Variants in CATSPERG observed in about 807,000 individuals in gnomAD.
CATSPERG encodes catsper channel auxiliary subunit gamma.
In CATSPERG, 115 loss-of-function variants were observed where a neutral mutation model predicts 145.0. The observed-to-expected ratio is 0.79, with a 90% confidence interval of 0.68 to 0.93. The LOEUF (loss-of-function observed/expected upper bound fraction) is 0.93, where lower values mean the gene tolerates loss of function less well. Ranked by LOEUF, CATSPERG falls within the 40% of genes least tolerant of loss-of-function variation. The pLI is 0.00. For missense variants in CATSPERG, 1,296 were observed against 1,490.1 expected (o/e 0.87, Z 2.14); for synonymous variants, 588 against 589.0 (o/e 1.00, Z 0.02).
intron 20 of CATSPERG, among the ~76,000 whole-genome samples, chr19:38,364,598 C>T (rs922638433): frequency 6.6e-5 from 10 of 152,240 alleles, no homozygotes; most frequent in African/African-American, 1.4e-4. Flanking sequence ...TGTAGCAAGC[C>T]GAGATCACGC....
At chr19:38,349,787 C>T (rs1327462786) in intron 7 of CATSPERG, among the ~76,000 whole-genome samples, 1 of 152,064 alleles carries the variant, frequency 6.6e-6, no homozygotes, top group East Asian at 1.9e-4. Flanking sequence ...GCCTCAGCCT[C>T]CCGAGGAGCT....
At position 38,360,655 on chromosome 19, in the gene CATSPERG, G is replaced by C. The variant is rs201129427; in HGVS notation, c.1767+8G>C. ...GACAGCAAACTGTACCAGGTGCCCG[G>C]TGGAGCTATGCGGGGACATCGGGGC... On this transcript the variant is annotated splice_region_variant and intron_variant, in intron 15 of 28. Transcript: ENST00000409235. The C allele has an allele frequency of 5.6e-6, 9 of 1,614,216 alleles. No homozygotes were observed. The East Asian group carries it at 1.8e-4, about 32-fold the overall frequency.
At chr19:38,351,929 G>A (rs1041675088) in intron 7 of CATSPERG, among the ~76,000 whole-genome samples, 3 of 152,084 alleles carry the variant, frequency 2.0e-5, no homozygotes, top group Non-Finnish European at 2.9e-5. Context: ...CCCTTGGGGC[G>A]AGCATGGGGT....
chr19:38,343,838 A>T, intron 4 of CATSPERG, 114 bp downstream of exon 4: 2 of 1,413,356 alleles, frequency 1.4e-6, no homozygotes, highest in Non-Finnish European at 1.9e-6. Flanking sequence ...AGCTCAGCAC[A>T]TTCCATGGCC....
rs1488417351 is a variant in CATSPERG, at chr19:38,344,366, G to A, written c.667G>A (p.Glu223Lys). 1 of 1,551,530 alleles carries A rather than the reference G, an allele frequency of 6.4e-7. No homozygotes were observed. The highest frequency in any genetic ancestry group is 2.0e-5 in the Admixed American group (1 of 50,994). ...DNNIQFTVGE[E>K]LFNLMPQYFV... is the part of the protein sequence containing the mutation. The stretch of plus-strand genomic sequence containing the variant: ...TAACATCCAATTCACTGTGGGAGAG[G>A]AGGTGAGGGAATATGGCAGGGGAAA... The change falls in exon 6 of 29, where the codon GAG becomes AAG. Residue 223 changes from glutamate to lysine, a missense_variant and splice_region_variant. Coordinates refer to ENST00000409235, the MANE Select transcript of CATSPERG (RefSeq NM_021185.5).
chr19:38,358,672 G>T (rs1970290541), intron 13 of CATSPERG, 111 bp downstream of exon 13: 1 of 1,342,134 alleles, frequency 7.5e-7, no homozygotes. Context: ...GCCTTCAAAG[G>T]ATGCACAAAT....
At position 38,370,117 on chromosome 19, in the gene CATSPERG, T is replaced by C. The variant is rs1970520354; in HGVS notation, c.3114-42T>C. The C allele has an allele frequency of 1.9e-6, 3 of 1,613,334 alleles. No individual in the cohort carries two copies. In the East Asian group the frequency reaches 6.7e-5, roughly 36 times the overall value. On this transcript the variant is annotated intron_variant, in intron 27 of 28. Transcript: ENST00000409235. ...GGTCAGGGGCTGCCCATGGAATGCC[T>C]GGCTTCTCCTCTAATCCTGGATCCC... is the stretch of plus-strand genomic sequence containing the variant.
Position 38,370,569 on chromosome 19 carries a change from C to T in CATSPERG, c.3257C>T (p.Ala1086Val). 6.2e-7 allele frequency: 1 copy of T among 1,614,140 alleles called. No homozygotes were observed. The highest frequency in any genetic ancestry group is 8.5e-7 in the Non-Finnish European group (1 of 1,180,020). Reference protein sequence around the residue: ...VFVGLVIFYIAFCLLWPLVVK... With the variant: ...VFVGLVIFYIVFCLLWPLVVK... ...GTGGGCCTGGTGATCTTCTACATCGCCTTCTGCCTCCTGTGGCCCCTCGTG... is the reference window on the plus strand; with the variant it reads ...GTGGGCCTGGTGATCTTCTACATCGTCTTCTGCCTCCTGTGGCCCCTCGTG... The change falls in exon 29 of 29, where the codon GCC (alanine) becomes GTC (valine). Residue 1086 changes from alanine to valine, a missense_variant. Ala to Val is a moderately conservative substitution (Grantham distance 64, BLOSUM62 0). Coordinates refer to ENST00000409235, the MANE Select transcript of CATSPERG (RefSeq NM_021185.5).
At position 38,361,863 on chromosome 19, in the gene CATSPERG, T is replaced by C. The variant is rs1970351431; in HGVS notation, c.2094+2T>C. ...TGGCTGCACTCCGTGTACGACAAGG[T>C]GGGCGTCCGGCGGCGGGCGGGCAGG... On this transcript the variant is annotated splice_donor_variant, in intron 17 of 28. Transcript: ENST00000409235. LOFTEE classifies it high-confidence loss of function. 6.2e-7 allele frequency: 1 copy of C among 1,602,278 alleles called. No homozygotes were observed. The highest frequency in any genetic ancestry group is 8.5e-7 in the Non-Finnish European group (1 of 1,174,938).
rs1422839838 is a variant in CATSPERG, at chr19:38,344,466, C to T, written c.669+98C>T. On this transcript the variant is annotated intron_variant, in intron 6 of 28. Transcript: ENST00000409235. ...AGCAGCAGATCCCATTTAGGGAGCA[C>T]CAACTTCATGCCAGGCCCCACATGA... 11 of 1,034,730 alleles carry T rather than the reference C, an allele frequency of 1.1e-5. No individual in the cohort carries two copies. In the Admixed American group the frequency reaches 2.2e-4, roughly 21 times the overall value. 64.1% of individuals were successfully genotyped at this position (1,034,730 alleles called of 1,614,324 possible).
intron 14 of CATSPERG, 28 bp downstream of exon 14, chr19:38,359,609 C>T: frequency 6.4e-7 from 1 of 1,560,848 alleles, no homozygotes; most frequent in Non-Finnish European, 8.7e-7. Context: ...TCTCCCCGTT[C>T]CCTCTCTGCC....
At chr19:38,354,945 C>T (rs1970216785) in intron 9 of CATSPERG, 98 bp downstream of exon 9, 1 of 1,398,784 alleles carries the variant, frequency 7.1e-7, no homozygotes, top group African/African-American at 1.4e-5. Context: ...ACCATGTGCC[C>T]TGAGGAGGGC....
At position 38,358,598 on chromosome 19, in the gene CATSPERG, TC is replaced by T. The variant is rs1470606966; in HGVS notation, c.1496+38del. ...CCACCCCTGGGTGGGCCAGGCATAC[TC>T]TGTCTCCCCAGCAACTTTACGGTGG... On this transcript the variant is annotated intron_variant, in intron 13 of 28. Coordinates refer to ENST00000409235, the MANE Select transcript of CATSPERG (RefSeq NM_021185.5). 1.9e-6 allele frequency: 3 copies of T among 1,613,212 alleles called. No homozygotes were observed. The Admixed American group carries it at 5.0e-5, about 27-fold the overall frequency.
intron 18 of CATSPERG, 26 bp downstream of exon 18, chr19:38,362,298 G>T (rs775987861): frequency 6.2e-7 from 1 of 1,613,548 alleles, no homozygotes; most frequent in African/African-American, 1.3e-5. Flanking sequence ...TGGGAGCCGG[G>T]AAAGGGGCGG....
At chr19:38,354,605 T>G in intron 8 of CATSPERG, 105 bp from the exon 9 acceptor site, 11 of 1,363,586 alleles carry the variant, frequency 8.1e-6, no homozygotes, top group East Asian at 2.3e-5. Flanking sequence ...TGCTTCAGCA[T>G]GAGAGGACAG....
chr19:38,345,686 T>G (rs1970030347), intron 6 of CATSPERG, among the ~76,000 whole-genome samples: 2 of 151,234 alleles, frequency 1.3e-5, no homozygotes, highest in African/African-American at 2.4e-5. Flanking sequence ...TTTTTTTTTT[T>G]GTATTTTTAT....
At chr19:38,351,391 G>A (rs1331964183) in intron 7 of CATSPERG, among the ~76,000 whole-genome samples, 1 of 152,088 alleles carries the variant, frequency 6.6e-6, no homozygotes, top group African/African-American at 2.4e-5. Flanking sequence ...GGCGGATCAC[G>A]AGGTCAGGAG....
intron 13 of CATSPERG, among the ~76,000 whole-genome samples, chr19:38,359,247 G>T (rs1437948109): frequency 6.6e-6 from 1 of 151,956 alleles, no homozygotes; most frequent in Non-Finnish European, 1.5e-5. Flanking sequence ...CACCTTCTTG[G>T]GTGGCTGGCA....
intron 20 of CATSPERG, among the ~76,000 whole-genome samples, chr19:38,364,388 C>T (rs1319488967): frequency 1.3e-5 from 2 of 152,042 alleles, no homozygotes; most frequent in Non-Finnish European, 2.9e-5. Flanking sequence ...AGGCACTCCC[C>T]ACATCTCAGA....
Sources: gnomAD v4.1 joint callset for allele counts (sites outside exome capture counted in the v4.1 genomes callset) on GRCh38, gnomAD v4.1.1 for gene constraint, MANE v1.5 for transcripts, NCBI Gene and HGNC (gene_info 2026-07-23, HGNC 2026-07-21) for gene names.